The following LRRC37A variants were observed in gnomAD, a reference collection of about 807,000 sequenced individuals.
LRRC37A encodes the protein leucine-rich repeat-containing protein 37A.
LRRC37A carries 3 observed loss-of-function variants against 35.4 expected under a neutral mutation model. The observed-to-expected ratio is 0.08, with a 90% CI of 0.04 to 0.22. The LOEUF (loss-of-function observed/expected upper bound fraction) is 0.22, where lower values mean the gene tolerates loss of function less well. LRRC37A is among the 10% of genes least tolerant of loss of function. The probability of loss-of-function intolerance (pLI) is 1.00; values close to 1 mark genes in which losing one functional copy is unlikely to be tolerated. For synonymous variants in LRRC37A, 23 were observed against 215.0 expected (o/e 0.11, Z 7.81); for missense variants, 67 against 565.3 (o/e 0.12, Z 8.94).
At chr17:46,284,744 C>G in the LRRC37A span, among the ~76,000 whole-genome samples, 3 of 152,228 alleles carry the variant, frequency 2.0e-5, no homozygotes, top group Non-Finnish European at 4.4e-5. Context: ...GATGAGGTGG[C>G]AGAGATGTGA....
chr17:46,257,494 G>GA, the LRRC37A span, among the ~76,000 whole-genome samples: 1 of 139,662 alleles, frequency 7.2e-6, no homozygotes, highest in Non-Finnish European at 1.6e-5. Context: ...GAACAAAAAA[G>GA]AAAAAAATAA....
At chr17:46,282,705 A>C in the LRRC37A span, among the ~76,000 whole-genome samples, 18,456 of 152,150 alleles carry the variant, frequency 0.12, 1 homozygote, top group Non-Finnish European at 0.18. Flanking sequence ...TACAGGCATA[A>C]GTCACCTTGC....
the LRRC37A span, among the ~76,000 whole-genome samples, chr17:46,272,691 C>T: frequency 2.0e-5 from 3 of 152,240 alleles, no homozygotes; most frequent in African/African-American, 7.2e-5. Context: ...GCTGGGGTTA[C>T]AGGCGTGGGC....
rs557412553 is a variant in LRRC37A at position 46,336,235 on chromosome 17, T to C, written c.4859+641T>C. 6.0e-4 allele frequency among the ~76,000 whole-genome samples: 18 copies of C among 30,152 alleles called. 1 individual carries two copies. The highest frequency in any genetic ancestry group is 9.5e-4 in the African/African-American group (18 of 19,042). 19.8% of individuals were successfully genotyped at this position (30,152 alleles called of 152,430 possible). A position where few individuals can be genotyped will look rare whatever the true frequency, so the allele number is the denominator to read the frequency against. On this transcript the variant is annotated intron_variant, in intron 11 of 13. Transcript: ENST00000320254. The stretch of plus-strand genomic sequence containing the variant: ...TCCTAGAACTGAGGAAACACTATTT[T>C]CTCATCTTACTGGTTTTTGGGCCCC...
chr17:46,254,287 C>T, the LRRC37A span, among the ~76,000 whole-genome samples: 2 of 141,520 alleles, frequency 1.4e-5, no homozygotes, highest in African/African-American at 2.5e-5. Flanking sequence ...TTGCCAGGGA[C>T]CCGGGACTCA....
At chr17:46,284,424 CAT>C in the LRRC37A span, among the ~76,000 whole-genome samples, 1 of 152,246 alleles carries the variant, frequency 6.6e-6, no homozygotes, top group African/African-American at 2.4e-5. Context: ...TGACACAGCA[CAT>C]GTCTCAGAGA....
At chr17:46,267,330 C>G in the LRRC37A span, 4 of 1,468,532 alleles carry the variant, frequency 2.7e-6, no homozygotes, top group East Asian at 5.1e-5. Context: ...CAGCGATGAA[C>G]GGGATAGTGC....
At chr17:46,327,161 C>G (rs1374759639) in intron 7 of LRRC37A, among the ~76,000 whole-genome samples, 2 of 85,044 alleles carry the variant, frequency 2.4e-5, no homozygotes, top group African/African-American at 6.3e-5. Flanking sequence ...TGATGAAATT[C>G]AAGTTAAGCA....
chr17:46,289,321 G>T (rs1325877920), upstream of LRRC37A, among the ~76,000 whole-genome samples: 1 of 152,090 alleles, frequency 6.6e-6, no homozygotes, highest in African/African-American at 2.4e-5. Context: ...ATAGCTACAG[G>T]TGCTCACCAC....
chr17:46,258,707 CTTTTTTTTTTTTT>C, the LRRC37A span, among the ~76,000 whole-genome samples: 1 of 81,138 alleles, frequency 1.2e-5, no homozygotes, highest in East Asian at 4.0e-4. Context: ...GACTATTATT[CTTTTTTTTTTTTT>C]TTTTTTTTTT....
chr17:46,276,356 A>T, the LRRC37A span, among the ~76,000 whole-genome samples: 1 of 152,258 alleles, frequency 6.6e-6, no homozygotes, highest in Non-Finnish European at 1.5e-5. Context: ...GCTAGAATAA[A>T]TTTTTTACCA....
chr17:46,267,151 C>A, the LRRC37A span: 1 of 548,612 alleles, frequency 1.8e-6, no homozygotes, highest in Non-Finnish European at 3.1e-6. Context: ...AGCGCGAAAT[C>A]GGTGAGCCCG....
the LRRC37A span, among the ~76,000 whole-genome samples, chr17:46,248,452 C>T: frequency 6.6e-6 from 1 of 152,022 alleles, no homozygotes. Context: ...ATAGTTTTGC[C>T]TTTTCCAGAA....
At chr17:46,287,106 C>G in the LRRC37A span, among the ~76,000 whole-genome samples, 1 of 152,208 alleles carries the variant, frequency 6.6e-6, no homozygotes, top group Non-Finnish European at 1.5e-5. Flanking sequence ...TGAATCCAAC[C>G]ATTCTACCCC....
chr17:46,251,796 G>C, the LRRC37A span, among the ~76,000 whole-genome samples: 71 of 149,346 alleles, frequency 4.8e-4, 1 homozygote, highest in African/African-American at 1.7e-3. Context: ...TAAGTCAGAG[G>C]TGGTTCCAAA....
the LRRC37A span, among the ~76,000 whole-genome samples, chr17:46,278,709 A>G: frequency 6.6e-6 from 1 of 152,038 alleles, no homozygotes; most frequent in Admixed American, 6.6e-5. Flanking sequence ...GCTGAGTCCA[A>G]GTTTTATTTC....
the LRRC37A span, among the ~76,000 whole-genome samples, chr17:46,258,399 T>C: frequency 6.6e-6 from 1 of 150,694 alleles, no homozygotes; most frequent in East Asian, 1.9e-4. Flanking sequence ...TTAATAGAGA[T>C]GGGGTTTTAC....
At chr17:46,259,388 A>C in the LRRC37A span, among the ~76,000 whole-genome samples, 1 of 152,208 alleles carries the variant, frequency 6.6e-6, no homozygotes, top group Non-Finnish European at 1.5e-5. Flanking sequence ...AGCTGCCCCC[A>C]GGTGCCATAG....
chr17:46,278,692 G>A, the LRRC37A span, among the ~76,000 whole-genome samples: 58,417 of 151,584 alleles, frequency 0.39, 11,611 homozygotes, highest in South Asian at 0.65. Flanking sequence ...GTGGGCCACC[G>A]CACCTGGCTG....
Sources: allele counts gnomAD v4.1 joint callset (sites outside exome capture counted in the v4.1 genomes callset), GRCh38; gene constraint gnomAD v4.1.1; transcripts MANE v1.5; gene names NCBI Gene and HGNC (gene_info 2026-07-23, HGNC 2026-07-21).